ITGA9: variants seen among roughly 807,000 people sequenced by gnomAD.
The protein encoded by ITGA9 is integrin subunit alpha 9, also known as integrin alpha-9.
In ITGA9, 56 loss-of-function variants were observed where a neutral mutation model predicts 127.8. The ratio of observed to expected loss-of-function variants is 0.44; its 90% CI spans 0.35 to 0.55. ITGA9 has a LOEUF of 0.55. Ranked by LOEUF, ITGA9 falls within the 20% of genes least tolerant of loss-of-function variation. ITGA9 has a pLI of 0.00. For missense variants in ITGA9, 1,196 were observed against 1,347.1 expected, an observed-to-expected ratio of 0.89 and a Z score of 1.76; for synonymous variants, 508 against 514.5, an observed-to-expected ratio of 0.99 and a Z score of 0.17.
intron 15 of ITGA9, among the ~76,000 whole-genome samples, chr3:37,591,593 C>T (rs1443534088): frequency 6.6e-6 from 1 of 152,202 alleles, no homozygotes; most frequent in African/African-American, 2.4e-5. Context: ...CTGTCTCCTC[C>T]TCCTCAGCTG....
intron 23 of ITGA9, among the ~76,000 whole-genome samples, chr3:37,765,003 C>T (rs904117967): frequency 6.6e-6 from 1 of 152,174 alleles, no homozygotes. Flanking sequence ...TATCATCAGT[C>T]TTCTTCCACC....
rs1302368852 is a variant in ITGA9, at chr3:37,818,916, A to G, written c.3035A>G (p.Lys1012Arg). 6.2e-7 allele frequency: 1 copy of G among 1,614,120 alleles called. No homozygotes were observed. ...WKMGFFRRRY[K>R]EIIEAEKNRK... ...ATGGGCTTCTTTCGCCGAAGGTACA[A>G]AGAAATTATCGAAGCTGAGAAGAAC... Residue 1012 changes from lysine (K) to arginine (R), a missense_variant, in exon 28 of 28, where the codon AAA (lysine) becomes AGA (arginine). Coordinates refer to ENST00000264741, the MANE Select transcript of ITGA9 (RefSeq NM_002207.3).
Position 37,615,194 on chromosome 3 carries a change from A to G in ITGA9, c.1690-13993A>G, listed in dbSNP as rs929026870. 3.9e-5 allele frequency among the ~76,000 whole-genome samples: 6 copies of G among 152,288 alleles called. No homozygotes were observed. The South Asian group carries it at 1.0e-3, about 26-fold the overall frequency. On this transcript the variant is annotated intron_variant, in intron 15 of 27. Coordinates refer to ENST00000264741, the MANE Select transcript of ITGA9 (RefSeq NM_002207.3). ...GCATGAAGCATTGTTGAATTTTGTC[A>G]AAGGCCTTTTCTGCATCTATTGAGA...
intron 17 of ITGA9, 111 bp downstream of exon 17, chr3:37,653,901 G>A (rs772512723): frequency 9.1e-6 from 7 of 773,140 alleles, no homozygotes; most frequent in Admixed American, 1.9e-5. Context: ...CAGAGTTGAT[G>A]GGTTACAGTA....
chr3:37,743,753 C>T lies in ITGA9; in HGVS notation c.2325-173C>T, dbSNP rs751059778. On this transcript the variant is annotated intron_variant, in intron 21 of 27. Coordinates refer to ENST00000264741, the MANE Select transcript of ITGA9 (RefSeq NM_002207.3). ...CGTAACCTAAGATGAGAAGACACTA[C>T]TATTCATGCCTGGTCAGAAAGCACA... 2.3e-4 allele frequency among the ~76,000 whole-genome samples: 35 copies of T among 152,332 alleles called. No homozygotes were observed. In the Middle Eastern group the frequency reaches 0.024, roughly 104 times the overall value.
Position 37,503,097 on chromosome 3 carries a change from T to C in ITGA9, c.613-81T>C. 2.0e-6 allele frequency: 3 copies of C among 1,533,288 alleles called. No homozygotes were observed. The African/African-American group carries it at 4.1e-5, about 21-fold the overall frequency. The allele number at this position is 1,533,288 out of a possible 1,614,324, so 95.0% of individuals were successfully genotyped here. On this transcript the variant is annotated intron_variant, in intron 5 of 27. Transcript: ENST00000264741. ...CTTGGTGTGAGGAATTTCTCCTTTG[T>C]TGTGACTGTGGTTCTCATTGCATTC... is the stretch of plus-strand genomic sequence containing the variant.
At chr3:37,536,974 A>AGATAT (rs1449467026) in intron 14 of ITGA9, among the ~76,000 whole-genome samples, 1 of 152,236 alleles carries the variant, frequency 6.6e-6, no homozygotes, top group Non-Finnish European at 1.5e-5. Context: ...GGATCTCATT[A>AGATAT]GATATGCAAA....
rs369063700 is a variant in ITGA9, at chr3:37,536,264, A to G, written c.1528+2796A>G. Reference sequence around the variant, plus strand: ...CTACTCTTTGTGCTGGCAGCTGCAGAGGAACCATGTGGATGATGACTTTGT... The same window carrying G: ...CTACTCTTTGTGCTGGCAGCTGCAGGGGAACCATGTGGATGATGACTTTGT... On this transcript the variant is annotated intron_variant, in intron 14 of 27. Coordinates refer to ENST00000264741, the MANE Select transcript of ITGA9 (RefSeq NM_002207.3). Among the ~76,000 whole-genome samples, 25 of 152,352 alleles carry G rather than the reference A, an allele frequency of 1.6e-4. No individual in the cohort carries two copies. The East Asian group carries it at 1.9e-3, about 12-fold the overall frequency.
intron 2 of ITGA9, among the ~76,000 whole-genome samples, chr3:37,473,031 TG>T (rs1698450055): frequency 6.8e-6 from 1 of 147,064 alleles, no homozygotes; most frequent in Non-Finnish European, 1.5e-5. Flanking sequence ...CCCAGCTACT[TG>T]GGAGGCTGAG....
intron 5 of ITGA9, among the ~76,000 whole-genome samples, chr3:37,495,892 T>C (rs80305784): frequency 2.8e-3 from 420 of 152,328 alleles, no homozygotes; most frequent in Non-Finnish European, 5.0e-3. Context: ...AAACCCATCC[T>C]TCTGACTCCG....
chr3:37,492,233 C>T (rs574735790), intron 4 of ITGA9, among the ~76,000 whole-genome samples: 44 of 152,316 alleles, frequency 2.9e-4, no homozygotes, highest in Admixed American at 7.8e-4. Context: ...TTGTTTGATT[C>T]CTTGCCCTAG....
intron 18 of ITGA9, among the ~76,000 whole-genome samples, chr3:37,719,622 T>C (rs1432084872): frequency 6.6e-6 from 1 of 152,090 alleles, no homozygotes; most frequent in Non-Finnish European, 1.5e-5. Flanking sequence ...TTAGGAACTT[T>C]CTCTGGCTAC....
At chr3:37,698,713 G>C (rs552800821) in intron 18 of ITGA9, among the ~76,000 whole-genome samples, 1 of 152,174 alleles carries the variant, frequency 6.6e-6, no homozygotes, top group African/African-American at 2.4e-5. Flanking sequence ...GTAGGTGCTG[G>C]CTCAAAGGGT....
At chr3:37,512,024 T>TTCCTTTCTTTCTTTC (rs1553643157) in intron 8 of ITGA9, among the ~76,000 whole-genome samples, 1 of 31,988 alleles carries the variant, frequency 3.1e-5, no homozygotes, top group African/African-American at 9.9e-5. Context: ...TTTTCTTTTC[T>TTCCTTTCTTTCTTTC]TTTCTTTCTT....
intron 15 of ITGA9, among the ~76,000 whole-genome samples, chr3:37,613,722 G>A (rs1183502583): frequency 6.6e-6 from 1 of 152,232 alleles, no homozygotes; most frequent in East Asian, 1.9e-4. Flanking sequence ...CACTGATGAT[G>A]AGCATTGTTT....
chr3:37,520,737 T>C, intron 11 of ITGA9, among the ~76,000 whole-genome samples: 1 of 152,232 alleles, frequency 6.6e-6, no homozygotes, highest in Non-Finnish European at 1.5e-5. Flanking sequence ...GGGCCACATC[T>C]GAGTCACAAG....
intron 5 of ITGA9, among the ~76,000 whole-genome samples, chr3:37,498,980 T>C (rs1295487138): frequency 6.6e-6 from 1 of 152,220 alleles, no homozygotes; most frequent in East Asian, 1.9e-4. Context: ...CCTCCCAAGC[T>C]GGACATGGAT....
chr3:37,773,747 A>G (rs1435988968), intron 23 of ITGA9, among the ~76,000 whole-genome samples: 3 of 152,208 alleles, frequency 2.0e-5, no homozygotes, highest in Admixed American at 6.5e-5. Context: ...ACTGGGTGAC[A>G]TAATTCATCA....
rs992670825 is a variant in ITGA9, at chr3:37,823,188, G to C, written c.*4199G>C. On this transcript the variant is annotated 3_prime_UTR_variant, in exon 28 of 28. Transcript: ENST00000264741. The stretch of plus-strand genomic sequence containing the variant: ...TTATAGCACAATGATCTAGATTTCA[G>C]ACTGTGTTAAGGTTTTTTCTTTGTT... The C allele has an allele frequency of 6.6e-6, 1 of 152,190 alleles. No individual in the cohort carries two copies. Among genetic ancestry groups the C allele is most frequent in the African/African-American group, 2.4e-5 (1 of 41,442 alleles). The allele number at this position is 152,190 out of a possible 1,614,324, so 9.4% of individuals were successfully genotyped here.
Sources: allele counts gnomAD v4.1 joint callset (sites outside exome capture counted in the v4.1 genomes callset), GRCh38; gene constraint gnomAD v4.1.1; transcripts MANE v1.5; gene names NCBI Gene and HGNC (gene_info 2026-07-23, HGNC 2026-07-21).